HDGF: variants seen among roughly 807,000 people sequenced by gnomAD.
The protein encoded by HDGF is hepatoma-derived growth factor.
HDGF carries 5 observed loss-of-function variants against 30.0 expected under a neutral mutation model. The ratio of observed to expected loss-of-function variants is 0.17; its 90% CI spans 0.09 to 0.35. The LOEUF is 0.35. Among genes scored for constraint, HDGF ranks in the 10% least tolerant of loss-of-function variants. The pLI is 1.00. For synonymous variants in HDGF, 133 were observed against 112.7 expected (o/e 1.18, Z -1.14); for missense variants, 214 against 302.8 (o/e 0.71, Z 2.18).
chr1:156,748,890 A>T (rs1390018710), intron 1 of HDGF, among the ~76,000 whole-genome samples: 1 of 152,186 alleles, frequency 6.6e-6, no homozygotes, highest in Non-Finnish European at 1.5e-5. Flanking sequence ...GAGAAGGTAC[A>T]GGGGGAAGGG....
At chr1:156,767,317 G>A (rs1248447612), upstream of HDGF, among the ~76,000 whole-genome samples, 1 of 152,110 alleles carries the variant, frequency 6.6e-6, no homozygotes, top group Non-Finnish European at 1.5e-5. Context: ...GGAATTGTTA[G>A]GCGACGAAAA....
intron 1 of HDGF, among the ~76,000 whole-genome samples, chr1:156,749,331 G>A (rs946185598): frequency 4.6e-5 from 7 of 152,234 alleles, no homozygotes; most frequent in South Asian, 2.1e-4. Context: ...GGCCCCTCAG[G>A]CTCTGCCTCT....
chr1:156,752,269 C>T (rs1172168886), upstream of HDGF: 3 of 1,551,818 alleles, frequency 1.9e-6, no homozygotes, highest in Admixed American at 3.9e-5. Flanking sequence ...GATTTGAGCC[C>T]TACGTCCGCC....
At chr1:156,748,691 C>T (rs2102720312) in intron 1 of HDGF, among the ~76,000 whole-genome samples, 1 of 152,270 alleles carries the variant, frequency 6.6e-6, no homozygotes, top group East Asian at 1.9e-4. Context: ...CACCTCTCCC[C>T]CAGCCTCAGA....
chr1:156,747,945 C>A (rs1470034976), intron 1 of HDGF, among the ~76,000 whole-genome samples: 1 of 152,110 alleles, frequency 6.6e-6, no homozygotes, highest in Non-Finnish European at 1.5e-5. Context: ...AGGAGGCCAC[C>A]AGCTGCCCAG....
intron 1 of HDGF, among the ~76,000 whole-genome samples, chr1:156,765,449 CTTCTTTCCTTCT>C (rs1239498997): frequency 6.2e-4 from 81 of 131,682 alleles, no homozygotes; most frequent in African/African-American, 1.8e-3. Flanking sequence ...CCTTTCTTTC[CTTCTTTCCTTCT>C]TTCTTTCTTT....
At position 156,751,325 on chromosome 1, in the gene HDGF, G is replaced by A. The variant is rs1650965925; in HGVS notation, c.87+18C>T. The stretch of plus-strand genomic sequence containing the variant: ...CAAGCCCGCAGGGGGTTAGGGGGCG[G>A]CGGGCCGCGCTGCTCACCCGGGCCG... On this transcript the variant is annotated intron_variant, in intron 1 of 5. Coordinates refer to ENST00000357325, the MANE Select transcript of HDGF (RefSeq NM_004494.3). The surrounding 1 kb of genome is among the most constrained non-coding windows in gnomAD (Gnocchi z 4.7). 6.2e-7 allele frequency: 1 copy of A among 1,604,550 alleles called. No individual in the cohort carries two copies. The highest frequency in any genetic ancestry group is 8.5e-7 in the Non-Finnish European group (1 of 1,175,110).
chr1:156,765,089 C>A (rs1007503724), intron 1 of HDGF, among the ~76,000 whole-genome samples: 2 of 150,988 alleles, frequency 1.3e-5, no homozygotes, highest in African/African-American at 4.9e-5. Flanking sequence ...CCGCGCCCCC[C>A]CCGCCCTTTT....
intron 1 of HDGF, among the ~76,000 whole-genome samples, chr1:156,759,854 C>T (rs775230210): frequency 7.2e-5 from 11 of 152,170 alleles, no homozygotes; most frequent in Non-Finnish European, 1.6e-4. Context: ...CATCCCAGGA[C>T]TAGAACTATT....
At chr1:156,752,429 G>T, upstream of HDGF, 1 of 1,388,094 alleles carries the variant, frequency 7.2e-7, no homozygotes, top group Non-Finnish European at 1.0e-6. Context: ...AGCTAACCCC[G>T]CAAAGATGAG....
At position 156,743,799 on chromosome 1, in the gene HDGF, G is replaced by C. The variant is rs1650307978; in HGVS notation, c.569C>G (p.Pro190Arg). The change falls in exon 5 of 6, where the codon CCC becomes CGC. Residue 190 changes from proline (P) to arginine (R), a missense_variant. This residue lies in a region of HDGF where 176 missense variants were observed against 211.7 expected (regional missense o/e 0.83). Coordinates refer to ENST00000357325, the MANE Select transcript of HDGF (RefSeq NM_004494.3). The stretch of plus-strand genomic sequence containing the variant: ...ATTCTTTTCCACCTCCATAGGAAGG[G>C]GCCTCTCAACCTCCAAGGTGGCTGC... ...KEAATLEVER[P>R]LPMEVEKNST... 6.2e-7 allele frequency: 1 copy of C among 1,608,870 alleles called. No individual in the cohort carries two copies. The highest frequency in any genetic ancestry group is 8.5e-7 in the Non-Finnish European group (1 of 1,177,464).
At chr1:156,746,883 G>A (rs1247801491) in intron 1 of HDGF, among the ~76,000 whole-genome samples, 5 of 152,208 alleles carry the variant, frequency 3.3e-5, no homozygotes, top group Admixed American at 1.3e-4. Flanking sequence ...CAGGGACAGA[G>A]GGCCCAACTG....
chr1:156,746,353 A>C (rs1650545515), intron 1 of HDGF, among the ~76,000 whole-genome samples: 1 of 152,262 alleles, frequency 6.6e-6, no homozygotes. Flanking sequence ...AACAGCTAAA[A>C]GGAAGCTGCT....
At chr1:156,760,492 G>T (rs1427108831) in intron 1 of HDGF, among the ~76,000 whole-genome samples, 1 of 152,244 alleles carries the variant, frequency 6.6e-6, no homozygotes, top group East Asian at 1.9e-4. Flanking sequence ...GCAGGGTGGG[G>T]ACTGAAAGGC....
intron 1 of HDGF, among the ~76,000 whole-genome samples, chr1:156,762,293 T>C (rs1460139840): frequency 2.0e-5 from 3 of 149,956 alleles, no homozygotes; most frequent in Non-Finnish European, 4.4e-5. Flanking sequence ...CCTATAATCC[T>C]GTAATCCGAG....
intron 1 of HDGF, among the ~76,000 whole-genome samples, chr1:156,759,899 T>C (rs1651220432): frequency 6.6e-6 from 1 of 152,244 alleles, no homozygotes. Flanking sequence ...TTGATGGGCA[T>C]TTAGGTTGTT....
upstream of HDGF, chr1:156,751,939 T>TGTGCCCGCGGTCGGTGGGTGC: frequency 8.7e-7 from 1 of 1,146,266 alleles, no homozygotes; most frequent in Non-Finnish European, 1.2e-6. The surrounding 1 kb of genome is among the most constrained non-coding windows in gnomAD (Gnocchi z 4.7). Flanking sequence ...GCAGGCTTTG[T>TGTGCCCGCGGTCGGTGGGTGC]GTGCCCGCGG....
chr1:156,762,514 G>C (rs1454235388), intron 1 of HDGF, among the ~76,000 whole-genome samples: 2 of 152,030 alleles, frequency 1.3e-5, no homozygotes, highest in African/African-American at 2.4e-5. Context: ...ATGTATAAGA[G>C]CAGTGGGCTA....
At chr1:156,744,134 G>T in intron 4 of HDGF, 29 bp downstream of exon 4, 1 of 1,600,178 alleles carries the variant, frequency 6.2e-7, no homozygotes, top group Non-Finnish European at 8.6e-7. Context: ...TGTTGAGGGG[G>T]GCCCAGGCCC....
Sources: gnomAD v4.1 joint callset for allele counts (sites outside exome capture counted in the v4.1 genomes callset) on GRCh38, gnomAD v4.1.1 for gene constraint, gnomAD v4.1.1 regional missense constraint, Gnocchi (gnomAD v3.1) non-coding constraint, MANE v1.5 for transcripts, NCBI Gene and HGNC (gene_info 2026-07-23, HGNC 2026-07-21) for gene names.